Variants in SOX5 observed in about 807,000 individuals in gnomAD.
SOX5 encodes the protein transcription factor SOX-5.
SOX5 carries 9 observed loss-of-function variants against 92.0 expected under a neutral mutation model. The observed-to-expected ratio is 0.10, with a 90% CI of 0.06 to 0.17. The LOEUF (loss-of-function observed/expected upper bound fraction) is 0.17. SOX5 is among the 10% of genes least tolerant of loss of function. SOX5 has a pLI of 1.00. For missense variants in SOX5, 642 were observed against 944.5 expected, an observed-to-expected ratio of 0.68 and a Z score of 4.20; for synonymous variants, 344 against 336.3, an observed-to-expected ratio of 1.02 and a Z score of -0.25.
chr12:24,459,914 A>G (rs1370828338), intron 1 of SOX5, among the ~76,000 whole-genome samples: 1 of 152,238 alleles, frequency 6.6e-6, no homozygotes, highest in Non-Finnish European at 1.5e-5. Flanking sequence ...ATACCTTACA[A>G]TACTGTGGAG....
rs145777825 is a variant in SOX5, at chr12:23,895,095, G to A, written c.270+698C>T. ...AGCTGCAGCCAGAGATGTTATGCTG[G>A]CTTCTTTCCTCTCATCCACAAAGTC... On this transcript the variant is annotated intron_variant, in intron 2 of 14. Coordinates refer to ENST00000451604, the MANE Select transcript of SOX5 (RefSeq NM_006940.6). Among the ~76,000 whole-genome samples, 3 of 150,822 alleles carry A rather than the reference G, an allele frequency of 2.0e-5. No individual in the cohort carries two copies. The East Asian group carries it at 5.8e-4, about 29-fold the overall frequency.
chr12:23,811,634 G>A (rs1051058579), intron 3 of SOX5, among the ~76,000 whole-genome samples: 2 of 152,024 alleles, frequency 1.3e-5, no homozygotes, highest in Non-Finnish European at 2.9e-5. Context: ...ATGTTGAGAG[G>A]CAAAATTGTT....
At chr12:24,069,463 A>G (rs1355325668) in intron 4 of SOX5, among the ~76,000 whole-genome samples, 1 of 152,246 alleles carries the variant, frequency 6.6e-6, no homozygotes. Flanking sequence ...TTTTAAAGAT[A>G]TATCATTATA....
intron 9 of SOX5, among the ~76,000 whole-genome samples, chr12:23,583,671 A>G (rs868071277): frequency 6.6e-6 from 1 of 152,164 alleles, no homozygotes; most frequent in African/African-American, 2.4e-5. Context: ...TAGAGCAGTA[A>G]GAATTGATGT....
chr12:24,323,828 G>C (rs1378908577), intron 2 of SOX5, among the ~76,000 whole-genome samples: 2 of 152,042 alleles, frequency 1.3e-5, no homozygotes, highest in African/African-American at 4.8e-5. Context: ...GACCAATAAA[G>C]TTTATTTATA....
rs1938603692 is a variant in SOX5, at chr12:23,529,905, TAGA to T, written c.*4311_*4313del. ...TTTTTACTTGTAAAATCCAAAATAT[TAGA>T]AGGACTAAGAGCTTTAGAGCCAGTG... is the stretch of plus-strand genomic sequence containing the variant. On this transcript the variant is annotated 3_prime_UTR_variant, in exon 15 of 15. Transcript: ENST00000451604. 1.3e-5 allele frequency: 2 copies of T among 152,306 alleles called. No homozygotes were observed. The highest frequency in any genetic ancestry group is 4.1e-4 in the South Asian group (2 of 4,826). The allele number at this position is 152,306 out of a possible 1,614,324, so 9.4% of individuals were successfully genotyped here.
chr12:23,530,818 T>TGTGTGTGTGTGTGCGCGCGC lies in SOX5; in HGVS notation c.*3400_*3401insGCGCGCGCACACACACACAC. Reference sequence around the variant, plus strand: ...GGGCAAGTGTGTGTGTGTGTGTGTGTGCGCGCGCGCGCGCGCGCATGTGAG... The same window carrying TGTGTGTGTGTGTGCGCGCGC: ...GGGCAAGTGTGTGTGTGTGTGTGTGTGTGTGTGTGTGTGCGCGCGCGCGCGCGCGCGCGCGCGCATGTGAG... On this transcript the variant is annotated 3_prime_UTR_variant, in exon 15 of 15. Transcript: ENST00000451604. 29 of 132,110 alleles carry TGTGTGTGTGTGTGCGCGCGC rather than the reference T, an allele frequency of 2.2e-4. No individual in the cohort carries two copies. Among genetic ancestry groups the TGTGTGTGTGTGTGCGCGCGC allele is most frequent in the South Asian group, 2.7e-4 (1 of 3,704 alleles). The allele number at this position is 132,110 out of a possible 1,614,324, so 8.2% of individuals were successfully genotyped here. A position where few individuals can be genotyped will look rare whatever the true frequency, so the allele number is the denominator to read the frequency against.
At chr12:23,921,836 A>G (rs1335869483) in intron 1 of SOX5, among the ~76,000 whole-genome samples, 1 of 152,232 alleles carries the variant, frequency 6.6e-6, no homozygotes, top group African/African-American at 2.4e-5. Context: ...CAGGCAAGGC[A>G]GCAAAGCCAC....
At chr12:24,162,174 G>C (rs530702932) in intron 4 of SOX5, among the ~76,000 whole-genome samples, 2 of 152,018 alleles carry the variant, frequency 1.3e-5, no homozygotes, top group Non-Finnish European at 2.9e-5. Context: ...CAAGAGTTTT[G>C]ACATGTTTTC....
intron 5 of SOX5, chr12:23,738,349 A>T (rs2093678235): frequency 6.6e-6 from 1 of 152,178 alleles, no homozygotes; most frequent in Admixed American, 6.6e-5. Flanking sequence ...GTCTTTCATG[A>T]AAAGATCTGC....
chr12:24,369,612 C>T (rs577618987), intron 1 of SOX5, among the ~76,000 whole-genome samples: 3 of 152,336 alleles, frequency 2.0e-5, no homozygotes, highest in Admixed American at 2.0e-4. Flanking sequence ...TTCTTCTCTT[C>T]GCTGAATTTA....
chr12:23,769,596 T>C lies in SOX5; in HGVS notation c.482-13872A>G, dbSNP rs937683820. ...CTAAGGGAGACATCTGTTTGTCATA[T>C]ACAACATTGTAATATAAAATAAACT... On this transcript the variant is annotated intron_variant, in intron 3 of 14. Transcript: ENST00000451604. Among the ~76,000 whole-genome samples the C allele has an allele frequency of 4.6e-5, 7 of 152,280 alleles. No individual in the cohort carries two copies. In the East Asian group the frequency reaches 1.2e-3, roughly 25 times the overall value.
At chr12:24,109,795 T>C (rs1469213783) in intron 4 of SOX5, among the ~76,000 whole-genome samples, 1 of 152,208 alleles carries the variant, frequency 6.6e-6, no homozygotes, top group African/African-American at 2.4e-5. Context: ...ATATTTTCAT[T>C]TATTTTAAAA....
At chr12:24,195,385 A>G (rs1388815238) in intron 4 of SOX5, among the ~76,000 whole-genome samples, 2 of 152,212 alleles carry the variant, frequency 1.3e-5, no homozygotes, top group Non-Finnish European at 2.9e-5. Context: ...ATTTCAACCT[A>G]CAAACTACAA....
chr12:23,935,095 A>G (rs1168847392), intron 1 of SOX5, among the ~76,000 whole-genome samples: 1 of 151,290 alleles, frequency 6.6e-6, no homozygotes, highest in Non-Finnish European at 1.5e-5. Flanking sequence ...TTCATCCATC[A>G]GTAAAACTGA....
At chr12:23,781,540 T>C (rs546860995) in intron 3 of SOX5, among the ~76,000 whole-genome samples, 9 of 152,194 alleles carry the variant, frequency 5.9e-5, no homozygotes, top group Admixed American at 5.9e-4. Context: ...AAAACTACTT[T>C]AAAATGATGA....
chr12:24,105,688 A>T (rs1339378668), intron 4 of SOX5, among the ~76,000 whole-genome samples: 1 of 152,232 alleles, frequency 6.6e-6, no homozygotes, highest in Non-Finnish European at 1.5e-5. Context: ...GATAAACTTC[A>T]ACTTGCACAT....
chr12:24,257,759 A>G (rs1171862478), intron 3 of SOX5, among the ~76,000 whole-genome samples: 6 of 151,916 alleles, frequency 3.9e-5, no homozygotes, highest in Non-Finnish European at 7.4e-5. Flanking sequence ...GAGCCACCGT[A>G]CCCGACCAAA....
chr12:24,223,669 C>T (rs1176624323), intron 3 of SOX5, among the ~76,000 whole-genome samples: 5 of 152,082 alleles, frequency 3.3e-5, no homozygotes, highest in African/African-American at 1.2e-4. Flanking sequence ...GTGGGAGGAT[C>T]GCTTGAGCCC....
Sources: allele counts gnomAD v4.1 joint callset (sites outside exome capture counted in the v4.1 genomes callset), GRCh38; gene constraint gnomAD v4.1.1; transcripts MANE v1.5; gene names NCBI Gene and HGNC (gene_info 2026-07-23, HGNC 2026-07-21).